Variants in NFE2L2 observed in about 807,000 individuals in gnomAD.
NFE2L2 encodes NFE2 like bZIP transcription factor 2, also known as nuclear factor erythroid 2-related factor 2.
Under a neutral mutation model 49.6 loss-of-function variants are expected in NFE2L2, and 20 were observed. The observed-to-expected ratio is 0.40, with a 90% CI of 0.28 to 0.59. The LOEUF is 0.59. NFE2L2 is among the 20% of genes least tolerant of loss of function. The pLI is 0.40. For synonymous variants in NFE2L2, 244 were observed against 256.5 expected, an observed-to-expected ratio of 0.95 and a Z score of 0.47; for missense variants, 578 against 714.2, an observed-to-expected ratio of 0.81 and a Z score of 2.17.
rs1397075216 is a variant in NFE2L2 at position 177,233,274 on chromosome 2, T to C, written c.378A>G (p.Thr126=). The C allele has an allele frequency of 6.3e-7, 1 of 1,599,062 alleles. No individual in the cohort carries two copies. Among genetic ancestry groups the C allele is most frequent in the South Asian group, 1.1e-5 (1 of 87,614 alleles). Residue 126 remains threonine (T), a synonymous_variant, in exon 3 of 5, where the codon ACA becomes ACG. Coordinates refer to ENST00000397062, the MANE Select transcript of NFE2L2 (RefSeq NM_006164.5). ...CCTCATTGTCATCTACAAACGGGAATGTCTGCGCCAAAAGCTGCATGCAGT... is the reference window on the plus strand; with the variant it reads ...CCTCATTGTCATCTACAAACGGGAACGTCTGCGCCAAAAGCTGCATGCAGT... The part of the protein sequence containing the change: ...FDDCMQLLAQ[T]FPFVDDNEVS...
At chr2:177,260,116 G>A (rs1189653247) in intron 1 of NFE2L2, among the ~76,000 whole-genome samples, 1 of 152,184 alleles carries the variant, frequency 6.6e-6, no homozygotes, top group African/African-American at 2.4e-5. Flanking sequence ...AGGTAGCAGT[G>A]AAATTTCAAT....
chr2:177,232,936 C>T (rs533164230), intron 3 of NFE2L2: 120 of 483,514 alleles, frequency 2.5e-4, no homozygotes, highest in Non-Finnish European at 4.1e-4. Flanking sequence ...TGGCTCTTTA[C>T]TCACCAAACC....
At chr2:177,249,377 AG>A (rs751954804) in intron 1 of NFE2L2, among the ~76,000 whole-genome samples, 29 of 152,276 alleles carry the variant, frequency 1.9e-4, no homozygotes, top group Middle Eastern at 6.8e-3. Flanking sequence ...ATCTGGGAGG[AG>A]GTCAGTCATT....
chr2:177,233,667 C>G, intron 2 of NFE2L2: 1 of 501,240 alleles, frequency 2.0e-6, no homozygotes, highest in Middle Eastern at 5.3e-4. Flanking sequence ...ACAGTGCTTG[C>G]CACACACAGT....
At chr2:177,261,422 T>C (rs1690735701) in intron 1 of NFE2L2, among the ~76,000 whole-genome samples, 1 of 152,082 alleles carries the variant, frequency 6.6e-6, no homozygotes, top group South Asian at 2.1e-4. Flanking sequence ...AAATCTCAAC[T>C]TACCCACTTT....
intron 1 of NFE2L2, among the ~76,000 whole-genome samples, chr2:177,252,895 A>G (rs1021506257): frequency 1.3e-5 from 2 of 152,190 alleles, no homozygotes; most frequent in Non-Finnish European, 2.9e-5. Flanking sequence ...CAACCTGTCC[A>G]TCTTCCAATT....
In NFE2L2 at chr2:177,230,659, A is replaced by T; in HGVS notation, c.*126T>A. The T allele has an allele frequency of 9.4e-7, 1 of 1,062,934 alleles. No homozygotes were observed. The highest frequency in any genetic ancestry group is 1.3e-6 in the Non-Finnish European group (1 of 770,596). The allele number at this position is 1,062,934 out of a possible 1,614,324, so 65.8% of individuals were successfully genotyped here. Reference sequence around the variant, plus strand: ...TTTTTAAAGTTTCGTATTATTTTCTATACTAGTTTTGGCTATGATTTTGCA... The same window carrying T: ...TTTTTAAAGTTTCGTATTATTTTCTTTACTAGTTTTGGCTATGATTTTGCA... On this transcript the variant is annotated 3_prime_UTR_variant, in exon 5 of 5. Coordinates refer to ENST00000397062, the MANE Select transcript of NFE2L2 (RefSeq NM_006164.5).
chr2:177,263,311 A>AATAT, intron 1 of NFE2L2: 2 of 945,642 alleles, frequency 2.1e-6, no homozygotes, highest in Non-Finnish European at 2.5e-6. Context: ...AAACATATAT[A>AATAT]AAGTACTCAG....
At chr2:177,257,911 A>T (rs927891194) in intron 1 of NFE2L2, among the ~76,000 whole-genome samples, 1 of 152,222 alleles carries the variant, frequency 6.6e-6, no homozygotes, top group Non-Finnish European at 1.5e-5. Flanking sequence ...CCTTCTATGG[A>T]AAAACTGTCT....
In NFE2L2 at chr2:177,230,734, A is replaced by G. The variant is rs1011806077; in HGVS notation, c.*51T>C. ...ATTTCACATCACAGTAGGAGCTTTT[A>G]GTATAATAGTACAAAAAAACTAGCT... On this transcript the variant is annotated 3_prime_UTR_variant, in exon 5 of 5. Transcript: ENST00000397062. 18 of 1,511,956 alleles carry G rather than the reference A, an allele frequency of 1.2e-5. No homozygotes were observed. The highest frequency in any genetic ancestry group is 1.6e-5 in the Non-Finnish European group (18 of 1,135,216). 93.7% of individuals were successfully genotyped at this position (1,511,956 alleles called of 1,614,324 possible).
chr2:177,242,719 G>A (rs1689980639), intron 1 of NFE2L2, among the ~76,000 whole-genome samples: 1 of 152,092 alleles, frequency 6.6e-6, no homozygotes, highest in South Asian at 2.1e-4. Context: ...AAGCAAAACT[G>A]GAAAGTGAAG....
chr2:177,251,480 A>G (rs906095185), intron 1 of NFE2L2, among the ~76,000 whole-genome samples: 6 of 152,186 alleles, frequency 3.9e-5, no homozygotes. Flanking sequence ...CAATCCTCAT[A>G]AGTACAAGGA....
intron 3 of NFE2L2, 131 bp downstream of exon 3, chr2:177,233,119 T>TA: frequency 2.6e-6 from 2 of 756,826 alleles, no homozygotes; most frequent in South Asian, 3.6e-5. Flanking sequence ...TTTCCTTGGT[T>TA]AAAAAATTTC....
At chr2:177,263,918 G>T in intron 1 of NFE2L2, 7 of 985,592 alleles carry the variant, frequency 7.1e-6, no homozygotes, top group Non-Finnish European at 8.4e-6. Flanking sequence ...GCCAGAGAGT[G>T]ATCCGAGAGA....
chr2:177,247,368 G>A (rs1275751457), intron 1 of NFE2L2, among the ~76,000 whole-genome samples: 1 of 151,994 alleles, frequency 6.6e-6, no homozygotes, highest in Admixed American at 6.6e-5. Context: ...TGAGGCCAAA[G>A]AAAGGAATAA....
At position 177,230,858 on chromosome 2, in the gene NFE2L2, G is replaced by A. The variant is rs760999933; in HGVS notation, c.1745C>T (p.Ser582Phe). 5 of 1,610,948 alleles carry A rather than the reference G, an allele frequency of 3.1e-6. No individual in the cohort carries two copies. Among genetic ancestry groups the A allele is most frequent in the South Asian group, 1.1e-5 (1 of 89,770 alleles). ...ATTGCCATCTCTTGTTTGCTGCAGG[G>A]AGTATTCACTAGGAGAATAAGGTTT... The part of the protein sequence containing the change: ...DGKPYSPSEY[S>F]LQQTRDGNVF... Residue 582 changes from serine (S) to phenylalanine (F), a missense_variant, in exon 5 of 5, where the codon TCC becomes TTC. Ser to Phe is a radical substitution (Grantham distance 155, BLOSUM62 -2). This residue lies in a region of NFE2L2 where 117 missense variants were observed against 175.8 expected (regional missense o/e 0.67). Coordinates refer to ENST00000397062, the MANE Select transcript of NFE2L2 (RefSeq NM_006164.5).
intron 1 of NFE2L2, among the ~76,000 whole-genome samples, chr2:177,236,179 CATG>C (rs1261009762): frequency 3.9e-5 from 6 of 152,236 alleles, no homozygotes; most frequent in Non-Finnish European, 7.3e-5. Flanking sequence ...ACGCAAATAA[CATG>C]GTGGTTGTTT....
intron 2 of NFE2L2, chr2:177,233,754 T>C (rs1652057358): frequency 1.7e-6 from 1 of 580,004 alleles, no homozygotes; most frequent in South Asian, 2.2e-5. Context: ...AGGATGTTTC[T>C]ATACTTTACA....
chr2:177,237,806 A>G (rs565722252), intron 1 of NFE2L2, among the ~76,000 whole-genome samples: 2 of 152,364 alleles, frequency 1.3e-5, no homozygotes, highest in South Asian at 2.1e-4. Context: ...GGTGTGAGCC[A>G]CCACGCCCAG....
Sources: allele counts gnomAD v4.1 joint callset (sites outside exome capture counted in the v4.1 genomes callset), GRCh38; gene constraint gnomAD v4.1.1; regional missense constraint gnomAD v4.1.1; transcripts MANE v1.5; gene names NCBI Gene and HGNC (gene_info 2026-07-23, HGNC 2026-07-21).